Variants in SOS2 observed in about 807,000 individuals in gnomAD.
SOS2 encodes the protein SOS Ras/Rho guanine nucleotide exchange factor 2, also known as son of sevenless homolog 2.
In SOS2, 65 loss-of-function variants were observed where a neutral mutation model predicts 148.2. That is an observed-to-expected ratio of 0.44 (90% CI 0.36 to 0.54). The LOEUF (loss-of-function observed/expected upper bound fraction) is 0.54, where lower values mean the gene tolerates loss of function less well. SOS2 is among the 20% of genes least tolerant of loss of function. The probability of loss-of-function intolerance (pLI) is 0.00; values close to 1 mark genes in which losing one functional copy is unlikely to be tolerated. For missense variants in SOS2, 1,341 were observed against 1,590.2 expected, an observed-to-expected ratio of 0.84 and a Z score of 2.67; for synonymous variants, 539 against 537.1, an observed-to-expected ratio of 1.00 and a Z score of -0.05.
intron 5 of SOS2, among the ~76,000 whole-genome samples, chr14:50,187,887 G>T (rs1279330841): frequency 6.6e-6 from 1 of 152,024 alleles, no homozygotes; most frequent in African/African-American, 2.4e-5. Flanking sequence ...AAAATGCAGA[G>T]GTCTTCCTTT....
At chr14:50,152,638 AATGTT>A (rs1884696493) in intron 13 of SOS2, among the ~76,000 whole-genome samples, 1 of 152,156 alleles carries the variant, frequency 6.6e-6, no homozygotes, top group South Asian at 2.1e-4. Flanking sequence ...AAACATTCCA[AATGTT>A]ATTTCAGCTT....
intron 12 of SOS2, chr14:50,156,102 G>GA (rs1469054204): frequency 2.0e-5 from 3 of 151,928 alleles, no homozygotes; most frequent in Non-Finnish European, 4.4e-5. Context: ...AGTAATCAAG[G>GA]AAACTTGAAA....
At chr14:50,184,868 A>C in intron 5 of SOS2, among the ~76,000 whole-genome samples, 1 of 144,114 alleles carries the variant, frequency 6.9e-6, no homozygotes, top group African/African-American at 2.8e-5. Flanking sequence ...TGTCTCCAAA[A>C]AAAAAAAAAA....
rs1433428863 is a variant in SOS2 at position 50,159,703 on chromosome 14, T to G, written c.1580A>C (p.Lys527Thr). 1 of 1,614,108 alleles carries G rather than the reference T, an allele frequency of 6.2e-7. No homozygotes were observed. Among genetic ancestry groups the G allele is most frequent in the Admixed American group, 1.7e-5 (1 of 60,020 alleles). Residue 527 changes from lysine (K) to threonine (T), a missense_variant, in exon 10 of 23, where the codon AAG becomes ACG. Physicochemically the swap from Lys to Thr is moderately conservative, Grantham distance 78 (BLOSUM62 -1). Around this residue, in one of 4 missense-constraint regions of SOS2, gnomAD observed 574 missense variants for 711.1 expected, o/e 0.81. Coordinates refer to ENST00000216373, the MANE Select transcript of SOS2 (RefSeq NM_006939.4). Reference sequence around the variant, plus strand: ...CCAGTTGTTTTTTTCTTCAGCAGACTTAGCAGCAAATATTATGCTGTTCTC... The same window carrying G: ...CCAGTTGTTTTTTTCTTCAGCAGACGTAGCAGCAAATATTATGCTGTTCTC... Reference protein sequence around the residue: ...KDENSIIFAAKSAEEKNNWMA... With the variant: ...KDENSIIFAATSAEEKNNWMA...
intron 5 of SOS2, among the ~76,000 whole-genome samples, chr14:50,188,035 T>C (rs958810738): frequency 6.6e-6 from 1 of 152,214 alleles, no homozygotes; most frequent in African/African-American, 2.4e-5. Context: ...GTACCTATTA[T>C]ATAACAATTC....
intron 16 of SOS2, 131 bp downstream of exon 16, chr14:50,145,033 ATATATT>A (rs1884423787): frequency 2.6e-6 from 1 of 387,668 alleles, no homozygotes; most frequent in African/African-American, 2.1e-5. Flanking sequence ...ATATTTTCTA[ATATATT>A]TATATCATAT....
chr14:50,212,149 A>G (rs1566482416), intron 1 of SOS2, among the ~76,000 whole-genome samples: 1 of 152,248 alleles, frequency 6.6e-6, no homozygotes, highest in Non-Finnish European at 1.5e-5. Context: ...AATGGTGTTA[A>G]GGGATACACG....
chr14:50,231,112 G>A, intron 1 of SOS2, 85 bp downstream of exon 1: 1 of 810,238 alleles, frequency 1.2e-6, no homozygotes, highest in Non-Finnish European at 1.7e-6. Flanking sequence ...GGGGACTCGA[G>A]CCCTGTGGGA....
At chr14:50,200,652 C>T (rs992874074) in intron 3 of SOS2, among the ~76,000 whole-genome samples, 122 of 151,396 alleles carry the variant, frequency 8.1e-4, no homozygotes, top group African/African-American at 2.9e-3. Flanking sequence ...TTGAGACCAG[C>T]CTGGGCAACA....
At position 50,130,573 on chromosome 14, in the gene SOS2, G is replaced by A; in HGVS notation, c.3265C>T (p.Pro1089Ser). ...GAAGCAGATACTGGTGGAGTAGATG[G>A]TGTATTTGGAGAGGTTGGTGCTGAC... The part of the protein sequence containing the change: ...TVSAPTSPNT[P>S]STPPVSASSD... Residue 1089 changes from proline (P) to serine (S), a missense_variant, in exon 20 of 23, where the codon CCA becomes TCA. By Grantham distance (74) the Pro-to-Ser change is moderately conservative (BLOSUM62 -1). This residue lies in a region of SOS2 where 354 missense variants were observed against 347.7 expected (regional missense o/e 1.02). Coordinates refer to ENST00000216373, the MANE Select transcript of SOS2 (RefSeq NM_006939.4). The A allele has an allele frequency of 6.2e-7, 1 of 1,613,840 alleles. No homozygotes were observed. The highest frequency in any genetic ancestry group is 8.5e-7 in the Non-Finnish European group (1 of 1,179,734).
At chr14:50,230,837 C>G (rs1887517120) in intron 1 of SOS2, 1 of 974,484 alleles carries the variant, frequency 1.0e-6, no homozygotes, top group Non-Finnish European at 1.2e-6. Flanking sequence ...AGTAATTACC[C>G]GGCCTGAAAA....
chr14:50,180,651 G>C lies in SOS2; in HGVS notation c.890C>G (p.Ser297Ter). 1 of 1,601,192 alleles carries C rather than the reference G, an allele frequency of 6.2e-7. No individual in the cohort carries two copies. The highest frequency in any genetic ancestry group is 8.5e-7 in the Non-Finnish European group (1 of 1,173,876). The change falls in exon 7 of 23, where the codon TCA becomes TGA. Residue 297 changes from serine to a stop codon, truncating the protein, a stop_gained. Coordinates refer to ENST00000216373, the MANE Select transcript of SOS2 (RefSeq NM_006939.4). LOFTEE classifies it high-confidence loss of function. ...AAACTCTGGTGAAAGAATGTCCTGT[G>C]ATAATGTTTCATAAGGATCAAATGC... is the stretch of plus-strand genomic sequence containing the variant. ...EQAFDPYETLSQDILSPEFHE... is the reference protein window; with the variant it reads ...EQAFDPYETL
rs1179515891 is a variant in SOS2, at chr14:50,209,321, G to GTGTGTGTGTGTGTGTGTGTGTGTGTC, written c.88-4913_88-4912insGACACACACACACACACACACACACA. 1.2e-4 allele frequency among the ~76,000 whole-genome samples: 17 copies of GTGTGTGTGTGTGTGTGTGTGTGTGTC among 141,862 alleles called. 1 individual carries two copies. The highest frequency in any genetic ancestry group is 1.5e-4 in the Admixed American group (2 of 13,738). 93.1% of individuals were successfully genotyped at this position (141,862 alleles called of 152,430 possible). On this transcript the variant is annotated intron_variant, in intron 1 of 22. Transcript: ENST00000216373. ...TGTGTGTGTGTGTGTGTGTGTGTGTGTCTCCTATTGGTTCTGCTTCTCTGA... is the reference window on the plus strand; with the variant it reads ...TGTGTGTGTGTGTGTGTGTGTGTGTGTGTGTGTGTGTGTGTGTGTGTGTGTCTCTCCTATTGGTTCTGCTTCTCTGA...
intron 8 of SOS2, 50 bp from the exon 9 acceptor site, chr14:50,161,659 C>A (rs1211543894): frequency 6.4e-7 from 1 of 1,560,874 alleles, no homozygotes; most frequent in South Asian, 1.2e-5. Flanking sequence ...TGATTCTTCC[C>A]CCAACTTTCT....
intron 7 of SOS2, among the ~76,000 whole-genome samples, chr14:50,180,070 T>C (rs1044105522): frequency 6.6e-6 from 1 of 151,798 alleles, no homozygotes; most frequent in Non-Finnish European, 1.5e-5. Flanking sequence ...AGTGGCGCGA[T>C]CTCGGCTCAC....
chr14:50,169,756 G>C (rs1885299668), intron 8 of SOS2, among the ~76,000 whole-genome samples: 1 of 151,632 alleles, frequency 6.6e-6, no homozygotes, highest in Non-Finnish European at 1.5e-5. Flanking sequence ...ATATTGCATG[G>C]CAATATATAT....
At chr14:50,207,917 A>G (rs1886719933) in intron 1 of SOS2, among the ~76,000 whole-genome samples, 1 of 151,916 alleles carries the variant, frequency 6.6e-6, no homozygotes, top group South Asian at 2.1e-4. Flanking sequence ...AAAAAAAAGA[A>G]AAGAAAAAAA....
chr14:50,194,501 C>T (rs1371867111), intron 4 of SOS2, among the ~76,000 whole-genome samples: 9 of 125,688 alleles, frequency 7.2e-5, no homozygotes, highest in African/African-American at 2.5e-4. Context: ...ATTGGCTGGG[C>T]GCGGGGGCTT....
chr14:50,153,687 A>T (rs554306953), intron 12 of SOS2, among the ~76,000 whole-genome samples: 1 of 152,280 alleles, frequency 6.6e-6, no homozygotes, highest in African/African-American at 2.4e-5. Flanking sequence ...ATCTCAGCTC[A>T]CTACAACCTC....
Sources: allele counts gnomAD v4.1 joint callset (sites outside exome capture counted in the v4.1 genomes callset), GRCh38; gene constraint gnomAD v4.1.1; regional missense constraint gnomAD v4.1.1; transcripts MANE v1.5; gene names NCBI Gene and HGNC (gene_info 2026-07-23, HGNC 2026-07-21).